NCOR2: variants seen among roughly 807,000 people sequenced by gnomAD.
The protein encoded by NCOR2 is CTG repeat protein 26.
In NCOR2, 81 loss-of-function variants were observed where a neutral mutation model predicts 262.9. The observed-to-expected ratio is 0.31, with a 90% CI of 0.26 to 0.37. The LOEUF is 0.37. NCOR2 is among the 10% of genes least tolerant of loss of function. The pLI, the probability that NCOR2 is intolerant of heterozygous loss-of-function variation, is 1.00. For missense variants in NCOR2, 3,385 were observed against 3,621.4 expected (o/e 0.93, Z 1.68); for synonymous variants, 1,659 against 1,559.3 (o/e 1.06, Z -1.51).
intron 1 of NCOR2, among the ~76,000 whole-genome samples, chr12:124,541,547 G>T (rs2051349841): frequency 4.3e-5 from 1 of 23,248 alleles, no homozygotes; most frequent in Non-Finnish European, 8.5e-5. Context: ...AAGGGGAGTG[G>T]TGATGGAGGG....
chr12:124,515,269 G>A (rs2049660203), intron 1 of NCOR2, among the ~76,000 whole-genome samples: 1 of 152,118 alleles, frequency 6.6e-6, no homozygotes. Context: ...TTGGGAGGCT[G>A]TGACAGGAGA....
At chr12:124,516,309 T>TG (rs1275401222) in intron 1 of NCOR2, among the ~76,000 whole-genome samples, 3 of 151,780 alleles carry the variant, frequency 2.0e-5, no homozygotes, top group Non-Finnish European at 4.4e-5. Flanking sequence ...CCAGGCACTG[T>TG]GGGGGGTGCC....
chr12:124,330,590 T>C (rs1313900207), intron 44 of NCOR2, among the ~76,000 whole-genome samples: 1 of 152,236 alleles, frequency 6.6e-6, no homozygotes, highest in Non-Finnish European at 1.5e-5. Context: ...AGGGTGCATC[T>C]GATACTTACT....
chr12:124,560,472 C>A (rs112907948), intron 1 of NCOR2, among the ~76,000 whole-genome samples: 1,616 of 152,382 alleles, frequency 0.011, 28 homozygotes, highest in African/African-American at 0.036. Context: ...GTGCACCATA[C>A]AGAAACAGGT....
At chr12:124,469,470 C>T (rs1004448011) in intron 4 of NCOR2, among the ~76,000 whole-genome samples, 4 of 152,154 alleles carry the variant, frequency 2.6e-5, no homozygotes, top group African/African-American at 9.7e-5. Context: ...CCCACAGCCC[C>T]GAAAGGGTGG....
intron 6 of NCOR2, 149 bp from the exon 9 acceptor site, chr12:124,450,016 C>T (rs2045420124): frequency 1.3e-6 from 1 of 746,720 alleles, no homozygotes; most frequent in Non-Finnish European, 2.2e-6. Context: ...AACACAGGGA[C>T]CCAGCACGCA....
intron 30 of NCOR2, chr12:124,347,542 C>G: frequency 7.1e-6 from 3 of 424,704 alleles, no homozygotes; most frequent in Non-Finnish European, 1.3e-5. Flanking sequence ...TAAAACGATA[C>G]GCAGGTGGCA....
chr12:124,536,534 T>A (rs114350838), upstream of NCOR2, among the ~76,000 whole-genome samples: 2,924 of 152,132 alleles, frequency 0.019, 75 homozygotes, highest in African/African-American at 0.065. Flanking sequence ...AAAGAGTACA[T>A]ACACATGGCC....
chr12:124,447,736 A>C, intron 7 of NCOR2, among the ~76,000 whole-genome samples: 1 of 149,218 alleles, frequency 6.7e-6, no homozygotes, highest in African/African-American at 2.5e-5. Context: ...TTGCTCTGTC[A>C]CCCAGGCTGG....
intron 13 of NCOR2, among the ~76,000 whole-genome samples, chr12:124,402,964 T>C (rs2042062800): frequency 6.6e-6 from 1 of 152,062 alleles, no homozygotes; most frequent in Admixed American, 6.5e-5. Flanking sequence ...GAGGTTGAAA[T>C]GAGAGAATCC....
rs537038342 is a variant in NCOR2, at chr12:124,348,200, C to T, written c.3959G>A (p.Arg1320Lys). The T allele has an allele frequency of 4.7e-5, 75 of 1,612,302 alleles. 1 individual carries two copies. The South Asian group carries it at 8.1e-4, about 17-fold the overall frequency. Residue 1320 changes from arginine (R) to lysine (K), a missense_variant, in exon 29 of 47, where the codon AGA becomes AAA. Physicochemically the swap from Arg to Lys is conservative, Grantham distance 26. Around this residue, in one of 5 missense-constraint regions of NCOR2, gnomAD observed 1,615 missense variants for 1,626.9 expected, o/e 0.99. Coordinates refer to ENST00000405201, the Ensembl canonical transcript of NCOR2. ...TTCGATGCTGGCTGAGGAGATGGCT[C>T]TGCCCACGCGGCCCTCCATCATGTC...
intron 1 of NCOR2, among the ~76,000 whole-genome samples, chr12:124,544,015 T>C (rs2051463196): frequency 6.6e-6 from 1 of 152,154 alleles, no homozygotes; most frequent in Non-Finnish European, 1.5e-5. Context: ...AAGAAAGCCC[T>C]CCCAGAGAGT....
chr12:124,328,027 T>A (rs766695598), intron 44 of NCOR2, among the ~76,000 whole-genome samples: 16 of 151,932 alleles, frequency 1.1e-4, no homozygotes, highest in South Asian at 2.1e-4. Context: ...TGTTTTTTTT[T>A]TAAATCTCAA....
chr12:124,356,931 T>A, intron 22 of NCOR2, 149 bp from the exon 25 acceptor site: 1 of 996,754 alleles, frequency 1.0e-6, no homozygotes, highest in Non-Finnish European at 1.4e-6. Context: ...GCCCCCCAAG[T>A]CTGCCTGCCT....
chr12:124,496,669 T>C (rs151274109), upstream of NCOR2, among the ~76,000 whole-genome samples: 283 of 152,224 alleles, frequency 1.9e-3, 2 homozygotes, highest in Middle Eastern at 6.8e-3. This position sits in a 1 kb window ranked among gnomAD's most constrained non-coding sequence, Gnocchi z 4.4. Context: ...AAGGTTAAGG[T>C]TGGGGGCCCT....
In NCOR2 at chr12:124,483,561, G is replaced by C; in HGVS notation, c.411+35C>G. 4 of 1,510,326 alleles carry C rather than the reference G, an allele frequency of 2.6e-6. No homozygotes were observed. The South Asian group carries it at 5.2e-5, about 20-fold the overall frequency. 93.6% of individuals were successfully genotyped at this position (1,510,326 alleles called of 1,614,324 possible). On this transcript the variant is annotated intron_variant, in intron 3 of 46. Coordinates refer to ENST00000405201, the Ensembl canonical transcript of NCOR2. This position sits in a 1 kb window ranked among gnomAD's most constrained non-coding sequence, Gnocchi z 6.3. Reference sequence around the variant, plus strand: ...CCCAACCAGCAGCAGAACCTCAAGCGGGAGAGGAGCTCCCAGCTGGGGGCC... The same window carrying C: ...CCCAACCAGCAGCAGAACCTCAAGCCGGAGAGGAGCTCCCAGCTGGGGGCC...
intron 8 of NCOR2, 134 bp from the exon 11 acceptor site, chr12:124,430,921 TAC>T: frequency 1.0e-6 from 1 of 976,244 alleles, no homozygotes; most frequent in Non-Finnish European, 1.5e-6. Context: ...CACACACATA[TAC>T]AGTCAGATAC....
intron 21 of NCOR2, 108 bp from the exon 24 acceptor site, chr12:124,362,405 A>T (rs1156709187): frequency 9.8e-7 from 1 of 1,020,362 alleles, no homozygotes; most frequent in Non-Finnish European, 1.3e-6. Context: ...CGGGAAAGCC[A>T]GCGACATGCT....
At chr12:124,372,198 G>C (rs1459253819) in exon 20 of NCOR2, 14 of 1,601,480 alleles carry the variant, frequency 8.7e-6, no homozygotes, top group Non-Finnish European at 1.1e-5. Flanking sequence ...CCGCGTCCTT[G>C]CCCTTGGCCG....
Sources: gnomAD v4.1 joint callset for allele counts (sites outside exome capture counted in the v4.1 genomes callset) on GRCh38, gnomAD v4.1.1 for gene constraint, gnomAD v4.1.1 regional missense constraint, Gnocchi (gnomAD v3.1) non-coding constraint, MANE v1.5 for transcripts, NCBI Gene and HGNC (gene_info 2026-07-23, HGNC 2026-07-21) for gene names.